CCDC175: variants seen among roughly 807,000 people sequenced by gnomAD.
The protein encoded by CCDC175 is coiled-coil domain-containing protein 175.
In CCDC175, 100 loss-of-function variants were observed where a neutral mutation model predicts 114.6. The ratio of observed to expected loss-of-function variants is 0.87; its 90% CI spans 0.74 to 1.03. The LOEUF (loss-of-function observed/expected upper bound fraction) is 1.03, where lower values mean the gene tolerates loss of function less well. Ranked by LOEUF, CCDC175 falls within the 50% of genes least tolerant of loss-of-function variation. The probability of loss-of-function intolerance (pLI) is 0.00; values close to 1 mark genes in which losing one functional copy is unlikely to be tolerated. For synonymous variants in CCDC175, 306 were observed against 308.7 expected, an observed-to-expected ratio of 0.99 and a Z score of 0.09; for missense variants, 880 against 917.8, an observed-to-expected ratio of 0.96 and a Z score of 0.53.
chr14:59,526,414 T>A (rs1893738872), intron 15 of CCDC175, among the ~76,000 whole-genome samples: 1 of 152,100 alleles, frequency 6.6e-6, no homozygotes, highest in African/African-American at 2.4e-5. Flanking sequence ...GAAACCAGCC[T>A]GGCCAACATG....
At chr14:59,565,533 C>A (rs1896485928) in intron 4 of CCDC175, among the ~76,000 whole-genome samples, 1 of 151,922 alleles carries the variant, frequency 6.6e-6, no homozygotes, top group Non-Finnish European at 1.5e-5. Flanking sequence ...ATGGTGAAAC[C>A]CTGTCTCTAC....
chr14:59,551,510 G>C (rs953197703), intron 7 of CCDC175, 74 bp from the exon 8 acceptor site: 3 of 675,036 alleles, frequency 4.4e-6, no homozygotes, highest in Admixed American at 6.7e-5. Flanking sequence ...GGCCAAATAG[G>C]AACAGCTGCA....
rs1226240512 is a variant in CCDC175 at position 59,525,379 on chromosome 14, T to C, written c.1898A>G (p.Lys633Arg). The part of the protein sequence containing the change: ...QLRDQESKKN[K>R]DHFETLKNLE... Reference sequence around the variant, plus strand: ...GTTCTTTAGAGTTTCAAAATGATCTTTGTTTTTTTTGCTTTCTTGATCTCG... The same window carrying C: ...GTTCTTTAGAGTTTCAAAATGATCTCTGTTTTTTTTGCTTTCTTGATCTCG... Residue 633 changes from lysine (K) to arginine (R), a missense_variant, in exon 16 of 20, where the codon AAA (lysine) becomes AGA (arginine). By Grantham distance (26) the Lys-to-Arg change is conservative (BLOSUM62 2). Coordinates refer to ENST00000537690, the MANE Select transcript of CCDC175 (RefSeq NM_001164399.2). 3 of 1,521,916 alleles carry C rather than the reference T, an allele frequency of 2.0e-6. No individual in the cohort carries two copies. Among genetic ancestry groups the C allele is most frequent in the Non-Finnish European group, 2.6e-6 (3 of 1,142,256 alleles). 94.3% of individuals were successfully genotyped at this position (1,521,916 alleles called of 1,614,324 possible).
At chr14:59,505,405 A>T (rs550209663) in intron 19 of CCDC175, 90 bp from the exon 20 acceptor site, 7 of 618,818 alleles carry the variant, frequency 1.1e-5, no homozygotes, top group South Asian at 6.2e-5. Context: ...TGAGTTGCCC[A>T]AAGAATCCTC....
At chr14:59,533,465 G>T (rs1778902337) in intron 13 of CCDC175, among the ~76,000 whole-genome samples, 1 of 152,136 alleles carries the variant, frequency 6.6e-6, no homozygotes, top group Non-Finnish European at 1.5e-5. Flanking sequence ...TTCACATCTT[G>T]CTTATGTTCA....
intron 8 of CCDC175, among the ~76,000 whole-genome samples, chr14:59,547,720 T>G (rs922951359): frequency 6.6e-6 from 1 of 152,148 alleles, no homozygotes; most frequent in African/African-American, 2.4e-5. Flanking sequence ...GTCTTAAATG[T>G]GAAAGGTCAA....
intron 8 of CCDC175, among the ~76,000 whole-genome samples, chr14:59,548,925 G>A (rs1201661379): frequency 1.3e-5 from 2 of 152,202 alleles, no homozygotes; most frequent in African/African-American, 4.8e-5. Flanking sequence ...CTTTGTAAAA[G>A]AGGGAGAAGA....
chr14:59,535,130 T>C (rs929550344), intron 13 of CCDC175, among the ~76,000 whole-genome samples: 2 of 152,208 alleles, frequency 1.3e-5, no homozygotes, highest in African/African-American at 2.4e-5. Context: ...CCTGAGGTTA[T>C]TGGTGCTGAT....
chr14:59,532,019 T>C, intron 13 of CCDC175, 109 bp from the exon 14 acceptor site: 1 of 609,238 alleles, frequency 1.6e-6, no homozygotes, highest in South Asian at 2.2e-5. Flanking sequence ...TGTCTTGGTC[T>C]CCTATCCTGA....
chr14:59,565,820 C>G (rs1225583626), intron 4 of CCDC175, among the ~76,000 whole-genome samples: 5 of 152,258 alleles, frequency 3.3e-5, no homozygotes, highest in African/African-American at 1.2e-4. Flanking sequence ...CCACCCGTCC[C>G]CAGATGCCAG....
intron 17 of CCDC175, among the ~76,000 whole-genome samples, chr14:59,512,150 A>G (rs1892792489): frequency 6.6e-6 from 1 of 152,234 alleles, no homozygotes; most frequent in South Asian, 2.1e-4. Flanking sequence ...TAACACAGAC[A>G]CAAAAAGATT....
chr14:59,526,837 C>G (rs982646999), intron 15 of CCDC175, among the ~76,000 whole-genome samples: 13 of 152,184 alleles, frequency 8.5e-5, no homozygotes, highest in African/African-American at 3.1e-4. Context: ...GTTCTAGTCT[C>G]TCTCCCTCTT....
rs1043381937 is a variant in CCDC175, at chr14:59,505,301, T to C, written c.2320A>G (p.Ile774Val). 2.0e-5 allele frequency: 30 copies of C among 1,498,380 alleles called. No homozygotes were observed. Among genetic ancestry groups the C allele is most frequent in the South Asian group, 1.0e-4 (8 of 78,468 alleles). 92.8% of individuals were successfully genotyped at this position (1,498,380 alleles called of 1,614,324 possible). A position where few individuals can be genotyped will look rare whatever the true frequency, so the allele number is the denominator to read the frequency against. The change falls in exon 20 of 20, where the codon ATT becomes GTT. Residue 774 changes from isoleucine to valine, a missense_variant. Coordinates refer to ENST00000537690, the MANE Select transcript of CCDC175 (RefSeq NM_001164399.2). Reference protein sequence around the residue: ...PMDLLKKKKHIRTRVHFPVVK... With the variant: ...PMDLLKKKKHVRTRVHFPVVK... ...ACTGGGAAATGAACCCTTGTACGAA[T>C]GTGTTTCTTCTTCTCTGTAGGAATA...
intron 3 of CCDC175, among the ~76,000 whole-genome samples, chr14:59,569,418 C>T (rs1189788025): frequency 6.6e-6 from 1 of 152,190 alleles, no homozygotes; most frequent in Non-Finnish European, 1.5e-5. Context: ...GCTGCTGAAC[C>T]AAAGACCACA....
intron 17 of CCDC175, among the ~76,000 whole-genome samples, chr14:59,517,779 C>T (rs941134474): frequency 3.9e-5 from 6 of 152,304 alleles, no homozygotes; most frequent in African/African-American, 9.6e-5. Flanking sequence ...CCATCCCCAT[C>T]AAGCTACCAA....
intron 19 of CCDC175, 97 bp downstream of exon 19, chr14:59,510,549 C>G: frequency 5.1e-6 from 6 of 1,185,822 alleles, no homozygotes; most frequent in Non-Finnish European, 7.2e-6. Flanking sequence ...ATAACTAAGT[C>G]ACTTAGTTGA....
intron 13 of CCDC175, among the ~76,000 whole-genome samples, chr14:59,536,557 C>A (rs1284086787): frequency 6.6e-6 from 1 of 151,740 alleles, no homozygotes; most frequent in African/African-American, 2.4e-5. Context: ...ACCCCGCCTC[C>A]TCTCCCCCCT....
chr14:59,534,611 C>T (rs1894285430), intron 13 of CCDC175, among the ~76,000 whole-genome samples: 1 of 152,202 alleles, frequency 6.6e-6, no homozygotes, highest in African/African-American at 2.4e-5. Context: ...CCTGGCAGCT[C>T]TGCTTCTCTG....
intron 12 of CCDC175, among the ~76,000 whole-genome samples, 167 bp from the exon 13 acceptor site, chr14:59,538,321 A>T (rs1159125852): frequency 6.6e-6 from 1 of 152,188 alleles, no homozygotes; most frequent in Non-Finnish European, 1.5e-5. Context: ...CCAGAAATTA[A>T]GTTCTTCACC....
Sources: allele counts gnomAD v4.1 joint callset (sites outside exome capture counted in the v4.1 genomes callset), GRCh38; gene constraint gnomAD v4.1.1; transcripts MANE v1.5; gene names NCBI Gene and HGNC (gene_info 2026-07-23, HGNC 2026-07-21).